The following DACH2 variants were observed in gnomAD, a reference collection of about 807,000 sequenced individuals.
DACH2 encodes the protein dachshund family transcription factor 2, also known as dachshund homolog 2.
DACH2 carries 17 observed loss-of-function variants against 35.8 expected under a neutral mutation model. The observed-to-expected ratio is 0.48, with a 90% CI of 0.33 to 0.71. The LOEUF (loss-of-function observed/expected upper bound fraction) is 0.71, where lower values mean the gene tolerates loss of function less well. Ranked by LOEUF, DACH2 falls within the 30% of genes least tolerant of loss-of-function variation. DACH2 has a pLI of 0.02. For missense variants in DACH2, 469 were observed against 472.7 expected, an observed-to-expected ratio of 0.99 and a Z score of 0.07; for synonymous variants, 195 against 177.3, an observed-to-expected ratio of 1.10 and a Z score of -0.79.
intron 3 of DACH2, among the ~76,000 whole-genome samples, chrX:86,550,934 AG>A (rs2039040656): frequency 9.0e-6 from 1 of 111,655 alleles, no homozygotes; most frequent in African/African-American, 3.3e-5. Context: ...AAGGGTGCAA[AG>A]GGGGAATATG....
intron 2 of DACH2, among the ~76,000 whole-genome samples, chrX:86,461,271 TATTG>T (rs980071253): frequency 2.7e-5 from 3 of 111,575 alleles, no homozygotes; most frequent in Non-Finnish European, 5.7e-5. Context: ...TGTTAGCATA[TATTG>T]ATTAAGAAAT....
chrX:86,366,682 G>T (rs776982247), intron 1 of DACH2, among the ~76,000 whole-genome samples: 173 of 110,971 alleles, frequency 1.6e-3, no homozygotes, highest in African/African-American at 5.4e-3. Context: ...GGGGGTCCTG[G>T]TGGGAGGTGT....
At chrX:86,683,538 A>G (rs1033255806) in intron 4 of DACH2, among the ~76,000 whole-genome samples, 11 of 111,879 alleles carry the variant, frequency 9.8e-5, no homozygotes, top group African/African-American at 3.6e-4. Context: ...GCACATGGCC[A>G]TGAAAATTAA....
In DACH2 at chrX:86,624,076, A is replaced by T. The variant is rs865924789; in HGVS notation, c.641-26960A>T. On this transcript the variant is annotated intron_variant, in intron 3 of 11. Transcript: ENST00000373125. ...AAAACAAAACAAAAAAAAAAAAAAA[A>T]AAAAAAGTGGCTGTGCAGTTCATAT... 3.2e-5 allele frequency among the ~76,000 whole-genome samples: 3 copies of T among 94,066 alleles called. No individual in the cohort carries two copies. The East Asian group carries it at 1.2e-3, about 37-fold the overall frequency. The allele number at this position is 94,066 out of a possible 115,157, so 81.7% of individuals were successfully genotyped here.
chrX:86,704,614 C>A (rs1417211363), intron 5 of DACH2, among the ~76,000 whole-genome samples: 1 of 111,161 alleles, frequency 9.0e-6, no homozygotes, highest in Non-Finnish European at 1.9e-5. Context: ...AAAAACAATA[C>A]CATCAAAAAT....
At chrX:86,504,553 C>A (rs1447131148) in intron 2 of DACH2, among the ~76,000 whole-genome samples, 1 of 106,875 alleles carries the variant, frequency 9.4e-6, no homozygotes, top group African/African-American at 3.4e-5. Flanking sequence ...TAAAGTGTAC[C>A]ATCTTAACTA....
intron 3 of DACH2, among the ~76,000 whole-genome samples, chrX:86,639,608 C>A (rs1218010682): frequency 9.0e-6 from 1 of 111,062 alleles, no homozygotes; most frequent in African/African-American, 3.3e-5. Flanking sequence ...AATATAAGAC[C>A]CACTGGCCCC....
chrX:86,601,924 T>C (rs1490563023), intron 3 of DACH2, among the ~76,000 whole-genome samples: 1 of 112,029 alleles, frequency 8.9e-6, no homozygotes, highest in Non-Finnish European at 1.9e-5. Flanking sequence ...GAGTATACCA[T>C]TCTATAGTTA....
chrX:86,705,241 A>G (rs984375642), intron 5 of DACH2, among the ~76,000 whole-genome samples: 1 of 109,975 alleles, frequency 9.1e-6, no homozygotes, highest in Non-Finnish European at 1.9e-5. Flanking sequence ...GAGGTAAGCT[A>G]TGAGGATGCA....
At chrX:86,387,346 G>T (rs995986455) in intron 2 of DACH2, among the ~76,000 whole-genome samples, 2 of 111,506 alleles carry the variant, frequency 1.8e-5, no homozygotes, top group African/African-American at 6.5e-5. Context: ...TTATATAGAA[G>T]ATTTTCCAGT....
At chrX:86,548,847 G>A (rs763140820) in intron 3 of DACH2, among the ~76,000 whole-genome samples, 6 of 111,843 alleles carry the variant, frequency 5.4e-5, no homozygotes, top group Admixed American at 9.5e-5. Flanking sequence ...TGCTTATTTC[G>A]TGATACATAA....
intron 4 of DACH2, among the ~76,000 whole-genome samples, chrX:86,682,206 T>G (rs2040888835): frequency 9.0e-6 from 1 of 111,652 alleles, no homozygotes; most frequent in Non-Finnish European, 1.9e-5. Context: ...CTTAGCTCTC[T>G]TCACCAAAGT....
chrX:86,297,649 T>A (rs977830244), intron 1 of DACH2, among the ~76,000 whole-genome samples: 1 of 112,208 alleles, frequency 8.9e-6, no homozygotes, highest in Non-Finnish European at 1.9e-5. Context: ...TTGTTACTGA[T>A]AACGCTCAAT....
At chrX:86,316,285 G>A (rs1357538527) in intron 1 of DACH2, among the ~76,000 whole-genome samples, 1 of 110,064 alleles carries the variant, frequency 9.1e-6, no homozygotes, top group African/African-American at 3.3e-5. Context: ...TGGGCCTAAG[G>A]GGAAAGGAAA....
At chrX:86,151,160 A>G (rs1324215861) in intron 1 of DACH2, among the ~76,000 whole-genome samples, 1 of 110,672 alleles carries the variant, frequency 9.0e-6, no homozygotes, top group Admixed American at 9.6e-5. Flanking sequence ...ATCCAGAGGC[A>G]GGTGATCTTG....
chrX:86,542,761 A>C (rs1039239568), intron 3 of DACH2, among the ~76,000 whole-genome samples: 6 of 112,000 alleles, frequency 5.4e-5, no homozygotes, highest in Non-Finnish European at 1.1e-4. Flanking sequence ...CTGTCTGTGC[A>C]TATGGGCCTA....
intron 1 of DACH2, among the ~76,000 whole-genome samples, chrX:86,316,684 C>A (rs142935643): frequency 3.2e-4 from 36 of 111,336 alleles, no homozygotes; most frequent in African/African-American, 1.1e-3. Flanking sequence ...TGGGGAACAG[C>A]AGCTAGGGCT....
At chrX:86,267,957 A>T (rs957901967) in intron 1 of DACH2, among the ~76,000 whole-genome samples, 1 of 112,313 alleles carries the variant, frequency 8.9e-6, no homozygotes, top group African/African-American at 3.2e-5. Flanking sequence ...TCTGACATCA[A>T]AAAATTCTGA....
intron 1 of DACH2, among the ~76,000 whole-genome samples, chrX:86,186,481 A>T (rs2031686099): frequency 8.9e-6 from 1 of 112,291 alleles, no homozygotes. Flanking sequence ...AGAATCATTG[A>T]GCCTACCATT....
Sources: allele counts gnomAD v4.1 joint callset (sites outside exome capture counted in the v4.1 genomes callset), GRCh38; gene constraint gnomAD v4.1.1; transcripts MANE v1.5; gene names NCBI Gene and HGNC (gene_info 2026-07-23, HGNC 2026-07-21).